Variants in RCAN2 observed in about 807,000 individuals in gnomAD.
The protein encoded by RCAN2 is calcipressin-2.
In RCAN2, 9 loss-of-function variants were observed where a neutral mutation model predicts 23.6. The observed-to-expected ratio is 0.38, with a 90% CI of 0.23 to 0.67. RCAN2 has a LOEUF of 0.67. Among genes scored for constraint, RCAN2 ranks in the 30% least tolerant of loss-of-function variants. RCAN2 has a pLI of 0.51. For synonymous variants in RCAN2, 109 were observed against 115.7 expected (o/e 0.94, Z 0.37); for missense variants, 273 against 302.3 (o/e 0.90, Z 0.72).
chr6:46,303,107 C>A (rs914511827), intron 2 of RCAN2, among the ~76,000 whole-genome samples: 3 of 151,974 alleles, frequency 2.0e-5, no homozygotes, highest in African/African-American at 7.2e-5. Flanking sequence ...TTTCTGGGTT[C>A]ACTGTAGTTC....
intron 1 of RCAN2, among the ~76,000 whole-genome samples, chr6:46,483,481 C>A (rs561388174): frequency 2.0e-5 from 3 of 152,272 alleles, no homozygotes; most frequent in Admixed American, 1.3e-4. Context: ...TGAAACCAAA[C>A]CAGCATCCAG....
intron 2 of RCAN2, among the ~76,000 whole-genome samples, chr6:46,350,845 G>T (rs1764626099): frequency 6.6e-6 from 1 of 152,194 alleles, no homozygotes; most frequent in South Asian, 2.1e-4. Flanking sequence ...CACTGCTAGT[G>T]AACAGTAGAA....
chr6:46,465,732 A>G (rs1288691041), intron 1 of RCAN2, among the ~76,000 whole-genome samples: 2 of 152,206 alleles, frequency 1.3e-5, no homozygotes, highest in African/African-American at 2.4e-5. Context: ...CCAGGGGGCC[A>G]TGGAGGTGGA....
At chr6:46,377,505 T>C (rs757760146) in intron 2 of RCAN2, among the ~76,000 whole-genome samples, 3 of 152,190 alleles carry the variant, frequency 2.0e-5, no homozygotes, top group Non-Finnish European at 2.9e-5. Flanking sequence ...TACAGCGTTA[T>C]TTATCATTAA....
intron 2 of RCAN2, among the ~76,000 whole-genome samples, chr6:46,296,630 G>A (rs1236832743): frequency 6.6e-6 from 1 of 151,994 alleles, no homozygotes; most frequent in Non-Finnish European, 1.5e-5. Context: ...CATTAGGTAG[G>A]GAGGAATAGC....
intron 2 of RCAN2, among the ~76,000 whole-genome samples, chr6:46,397,334 C>A (rs747134180): frequency 3.3e-5 from 5 of 150,740 alleles, no homozygotes; most frequent in African/African-American, 7.3e-5. Context: ...TGATTATAAT[C>A]ATTACACAAA....
intron 2 of RCAN2, among the ~76,000 whole-genome samples, chr6:46,420,733 G>C (rs1766862775): frequency 6.6e-6 from 1 of 151,902 alleles, no homozygotes; most frequent in Non-Finnish European, 1.5e-5. Context: ...TTTTAGTAGA[G>C]ATGGGGTTTT....
intron 2 of RCAN2, among the ~76,000 whole-genome samples, chr6:46,346,437 G>C (rs1442344755): frequency 1.3e-5 from 2 of 152,054 alleles, no homozygotes; most frequent in Admixed American, 1.3e-4. Flanking sequence ...ATTATGCTTG[G>C]AAATCTCTTC....
intron 2 of RCAN2, among the ~76,000 whole-genome samples, chr6:46,304,884 G>A (rs1268229665): frequency 6.6e-6 from 1 of 152,106 alleles, no homozygotes; most frequent in Non-Finnish European, 1.5e-5. Flanking sequence ...TACTAGAACG[G>A]GGGGTGCCCA....
chr6:46,266,601 TG>T (rs1767337004), intron 2 of RCAN2, among the ~76,000 whole-genome samples: 2 of 152,190 alleles, frequency 1.3e-5, no homozygotes, highest in Admixed American at 6.5e-5. Flanking sequence ...TGCCTAATCC[TG>T]GTACATTTAA....
At chr6:46,314,984 C>T (rs1763388517) in intron 2 of RCAN2, among the ~76,000 whole-genome samples, 1 of 152,152 alleles carries the variant, frequency 6.6e-6, no homozygotes, top group Non-Finnish European at 1.5e-5. Context: ...TCACTTGAGC[C>T]CAGGAAGTGG....
chr6:46,441,530 A>G (rs1767546246), intron 2 of RCAN2, among the ~76,000 whole-genome samples: 1 of 152,214 alleles, frequency 6.6e-6, no homozygotes, highest in African/African-American at 2.4e-5. Context: ...GGAGTTAATA[A>G]TAGCTAAAAA....
chr6:46,299,486 G>C lies in RCAN2; in HGVS notation c.226-50590C>G, dbSNP rs543434225. 9.9e-4 allele frequency among the ~76,000 whole-genome samples: 150 copies of C among 152,128 alleles called. 1 individual carries two copies. Among genetic ancestry groups the C allele is most frequent in the African/African-American group, 3.3e-3 (139 of 41,532 alleles). ...ATCTACTCTGTATCTACATGGGATTGTTTGAGTGTGGCTCACCACTACCAT... is the reference window on the plus strand; with the variant it reads ...ATCTACTCTGTATCTACATGGGATTCTTTGAGTGTGGCTCACCACTACCAT... On this transcript the variant is annotated intron_variant, in intron 2 of 4. Transcript: ENST00000371374.
intron 2 of RCAN2, among the ~76,000 whole-genome samples, chr6:46,387,750 T>G (rs1765798877): frequency 6.6e-6 from 1 of 152,200 alleles, no homozygotes; most frequent in Non-Finnish European, 1.5e-5. Context: ...ATCCCATTAT[T>G]GGGTATATAC....
intron 4 of RCAN2, among the ~76,000 whole-genome samples, chr6:46,236,151 C>T (rs1456936240): frequency 6.6e-6 from 1 of 152,194 alleles, no homozygotes; most frequent in African/African-American, 2.4e-5. Context: ...ACACAATAGT[C>T]AAAGAATTAA....
At chr6:46,340,233 A>T (rs1764268928) in intron 2 of RCAN2, among the ~76,000 whole-genome samples, 1 of 152,184 alleles carries the variant, frequency 6.6e-6, no homozygotes. Flanking sequence ...CTCCTACTCC[A>T]CTATCCAACT....
chr6:46,327,963 C>T (rs577056987), intron 2 of RCAN2, among the ~76,000 whole-genome samples: 6 of 152,138 alleles, frequency 3.9e-5, no homozygotes, highest in Non-Finnish European at 8.8e-5. Flanking sequence ...CCACGTGTGC[C>T]CAGAGCCCAT....
At chr6:46,345,535 T>A (rs1764457203) in intron 2 of RCAN2, among the ~76,000 whole-genome samples, 1 of 152,036 alleles carries the variant, frequency 6.6e-6, no homozygotes, top group South Asian at 2.1e-4. Context: ...TTGAAAAGGA[T>A]CAAAAATAAT....
intron 1 of RCAN2, among the ~76,000 whole-genome samples, chr6:46,459,852 A>G (rs890214505): frequency 1.3e-5 from 2 of 152,154 alleles, no homozygotes; most frequent in African/African-American, 4.8e-5. Context: ...GTTTTGCAAT[A>G]CTGTAATATA....
Sources: gnomAD v4.1 joint callset for allele counts (sites outside exome capture counted in the v4.1 genomes callset) on GRCh38, gnomAD v4.1.1 for gene constraint, MANE v1.5 for transcripts, NCBI Gene and HGNC (gene_info 2026-07-23, HGNC 2026-07-21) for gene names.